The following IGSF10 variants were observed in gnomAD, a reference collection of about 807,000 sequenced individuals.
IGSF10 encodes immunoglobulin superfamily member 10.
IGSF10 carries 126 observed loss-of-function variants against 128.2 expected under a neutral mutation model. That is an observed-to-expected ratio of 0.98 (90% confidence interval 0.85 to 1.14). The LOEUF (loss-of-function observed/expected upper bound fraction) is 1.14, where lower values mean the gene tolerates loss of function less well. Among genes scored for constraint, IGSF10 ranks in the 50% most tolerant of loss-of-function variants. The probability of loss-of-function intolerance (pLI) is 0.00; values close to 1 mark genes in which losing one functional copy is unlikely to be tolerated. For missense variants in IGSF10, 3,295 were observed against 3,149.8 expected, an observed-to-expected ratio of 1.05 and a Z score of -1.10; for synonymous variants, 1,185 against 1,146.2, an observed-to-expected ratio of 1.03 and a Z score of -0.68.
Position 151,460,987 on chromosome 3 carries a change from AGGTCCCGGGCTC to A in IGSF10, c.-142_-131del, listed in dbSNP as rs780601497. 1.6e-3 allele frequency: 1,582 copies of A among 984,636 alleles called. 2 individuals are homozygous for A. Among genetic ancestry groups the A allele is most frequent in the Non-Finnish European group, 1.8e-3 (1,463 of 829,274 alleles). The allele number at this position is 984,636 out of a possible 1,614,324, so 61.0% of individuals were successfully genotyped here. The stretch of plus-strand genomic sequence containing the variant: ...CCAATGGGCTCGAGCTGCCCGGGCT[AGGTCCCGGGCTC>A]GGTCCCGGGCTCAGCTGCTGGGGTC... On this transcript the variant is annotated 5_prime_UTR_variant, in exon 1 of 8. Coordinates refer to ENST00000282466, the MANE Select transcript of IGSF10 (RefSeq NM_178822.5).
rs1245911236 is a variant in IGSF10 at position 151,438,239 on chromosome 3, T to C, written c.6322A>G (p.Lys2108Glu). Reference protein sequence around the residue: ...LFNNGTLYFNKVGVAEEGDYT... With the variant: ...LFNNGTLYFNEVGVAEEGDYT... ...TCTCCTTCCTCCGCTACCCCAACTT[T>C]GTTGAAGTATAAAGTTCCATTGTTG... Residue 2108 changes from lysine to glutamate, a missense_variant, in exon 8 of 8, where the codon AAA (lysine) becomes GAA (glutamate). Lys to Glu is a moderately conservative substitution (Grantham distance 56). Coordinates refer to ENST00000282466, the MANE Select transcript of IGSF10 (RefSeq NM_178822.5). 6.2e-7 allele frequency: 1 copy of C among 1,614,030 alleles called. No individual in the cohort carries two copies. Among genetic ancestry groups the C allele is most frequent in the African/African-American group, 1.3e-5 (1 of 74,908 alleles).
At chr3:151,498,321 C>G in the IGSF10 span, among the ~76,000 whole-genome samples, 1 of 152,102 alleles carries the variant, frequency 6.6e-6, no homozygotes, top group Admixed American at 6.6e-5. Flanking sequence ...ATAGATAGCT[C>G]TCATTATTTT....
the IGSF10 span, among the ~76,000 whole-genome samples, chr3:151,589,821 C>A: frequency 1.3e-5 from 2 of 152,068 alleles, no homozygotes; most frequent in Non-Finnish European, 2.9e-5. Context: ...CCTAGTCATT[C>A]TTTTACTAAT....
chr3:151,487,774 C>T, the IGSF10 span, among the ~76,000 whole-genome samples: 5 of 152,074 alleles, frequency 3.3e-5, no homozygotes, highest in Non-Finnish European at 5.9e-5. Context: ...GGACAAAATT[C>T]TACAGCCCTT....
the IGSF10 span, among the ~76,000 whole-genome samples, chr3:151,472,096 A>G: frequency 3.9e-5 from 6 of 152,286 alleles, no homozygotes; most frequent in Admixed American, 3.9e-4. Context: ...TGAAAAAAAT[A>G]CTGGTGGGGT....
chr3:151,443,733 C>T lies in IGSF10; in HGVS notation c.5214G>A (p.Leu1738=), dbSNP rs753300547. ...TCCTGGGAGGATAGGAAACCACAGA[C>T]AAGGTGACATGAAGGTGGTCTGTGC... ...LFGTDHLHVT[L]SVVSYPPRIL... The change falls in exon 7 of 8, where the codon TTG becomes TTA. Residue 1738 remains leucine (L), a synonymous_variant. Coordinates refer to ENST00000282466, the MANE Select transcript of IGSF10 (RefSeq NM_178822.5). 1 of 1,614,134 alleles carries T rather than the reference C, an allele frequency of 6.2e-7. No homozygotes were observed. The highest frequency in any genetic ancestry group is 1.7e-5 in the Admixed American group (1 of 60,028).
At chr3:151,512,970 T>C in the IGSF10 span, among the ~76,000 whole-genome samples, 29 of 152,170 alleles carry the variant, frequency 1.9e-4, no homozygotes, top group East Asian at 5.6e-3. Flanking sequence ...AGGCAATAAT[T>C]AATAGCTTAC....
At chr3:151,617,883 G>A in the IGSF10 span, among the ~76,000 whole-genome samples, 2 of 152,138 alleles carry the variant, frequency 1.3e-5, no homozygotes, top group Non-Finnish European at 2.9e-5. Context: ...TATCACAAGA[G>A]TGATTATGTT....
the IGSF10 span, among the ~76,000 whole-genome samples, chr3:151,509,209 T>C: frequency 6.6e-6 from 1 of 152,212 alleles, no homozygotes; most frequent in Non-Finnish European, 1.5e-5. Context: ...ATTAAACTGC[T>C]AACCAAGCAC....
At chr3:151,478,068 A>G in the IGSF10 span, among the ~76,000 whole-genome samples, 3 of 152,266 alleles carry the variant, frequency 2.0e-5, no homozygotes, top group African/African-American at 7.2e-5. Flanking sequence ...TTGCAGCACC[A>G]GCAGAGCAGG....
At chr3:151,566,355 A>G in the IGSF10 span, among the ~76,000 whole-genome samples, 1,487 of 152,278 alleles carry the variant, frequency 9.8e-3, 28 homozygotes, top group African/African-American at 0.035. Context: ...TAAAGTTAAT[A>G]GCATTTGTTG....
At chr3:151,440,881 G>A (rs774968365) in intron 7 of IGSF10, 3 of 229,348 alleles carry the variant, frequency 1.3e-5, no homozygotes, top group Non-Finnish European at 2.8e-5. Context: ...AATTACATGG[G>A]TCGAGTTTAA....
At chr3:151,435,631 A>T (rs1720072195), downstream of IGSF10, 1 of 149,084 alleles carries the variant, frequency 6.7e-6, no homozygotes, top group Admixed American at 6.8e-5. Flanking sequence ...TTCTTAAGTA[A>T]GTACTAGGTG....
chr3:151,611,362 T>A, the IGSF10 span, among the ~76,000 whole-genome samples: 1 of 152,176 alleles, frequency 6.6e-6, no homozygotes, highest in Admixed American at 6.5e-5. Context: ...ATTTGTACAA[T>A]TTGAATGTGA....
At chr3:151,501,047 T>C in the IGSF10 span, among the ~76,000 whole-genome samples, 1 of 151,976 alleles carries the variant, frequency 6.6e-6, no homozygotes, top group Non-Finnish European at 1.5e-5. Context: ...TCAAAAAGGA[T>C]GGATATTTTG....
the IGSF10 span, among the ~76,000 whole-genome samples, chr3:151,613,162 T>G: frequency 1.3e-5 from 2 of 152,190 alleles, no homozygotes; most frequent in African/African-American, 4.8e-5. Flanking sequence ...CAAGGAGAAC[T>G]ATAAACCACT....
chr3:151,436,412 T>C lies in IGSF10; in HGVS notation c.*277A>G, dbSNP rs16863388. ...GAAAAATTCAGGTACATTAGCCATT[T>C]GTTATTTTATAGTGAACCGTTTCAA... On this transcript the variant is annotated 3_prime_UTR_variant, in exon 8 of 8. Coordinates refer to ENST00000282466, the MANE Select transcript of IGSF10 (RefSeq NM_178822.5). 4,619 of 267,778 alleles carry C rather than the reference T, an allele frequency of 0.017. 202 individuals carry two copies. The highest frequency in any genetic ancestry group is 0.096 in the African/African-American group (4,246 of 44,394). The allele number at this position is 267,778 out of a possible 1,614,324, so 16.6% of individuals were successfully genotyped here. A position where few individuals can be genotyped will look rare whatever the true frequency, so the allele number is the denominator to read the frequency against.
chr3:151,511,421 A>G, the IGSF10 span, among the ~76,000 whole-genome samples: 1 of 152,220 alleles, frequency 6.6e-6, no homozygotes, highest in Non-Finnish European at 1.5e-5. Context: ...ATGCTGAGAG[A>G]TTTTGTCACT....
the IGSF10 span, among the ~76,000 whole-genome samples, chr3:151,594,622 C>CTT: frequency 2.7e-3 from 371 of 135,484 alleles, 3 homozygotes; most frequent in African/African-American, 9.3e-3. Context: ...GCGCCCGGCC[C>CTT]TTTTTTTTTT....
Sources: gnomAD v4.1 joint callset for allele counts (sites outside exome capture counted in the v4.1 genomes callset) on GRCh38, gnomAD v4.1.1 for gene constraint, MANE v1.5 for transcripts, NCBI Gene and HGNC (gene_info 2026-07-23, HGNC 2026-07-21) for gene names.